NHSL1: variants seen among roughly 807,000 people sequenced by gnomAD.
The protein encoded by NHSL1 is NHS-like protein 1.
NHSL1 carries 48 observed loss-of-function variants against 95.0 expected under a neutral mutation model. That is an observed-to-expected ratio of 0.51 (90% CI 0.40 to 0.64). NHSL1 has a LOEUF of 0.64. NHSL1 is among the 30% of genes least tolerant of loss of function. NHSL1 has a pLI of 0.00. For synonymous variants in NHSL1, 783 were observed against 833.9 expected (o/e 0.94, Z 1.05); for missense variants, 1,971 against 2,077.7 (o/e 0.95, Z 1.00).
intron 1 of NHSL1, among the ~76,000 whole-genome samples, chr6:138,608,668 C>T (rs1314719085): frequency 2.6e-5 from 4 of 152,328 alleles, no homozygotes; most frequent in Admixed American, 6.5e-5. Flanking sequence ...TCAATGACTA[C>T]TAACTACGAA....
intron 1 of NHSL1, among the ~76,000 whole-genome samples, chr6:138,613,408 G>C (rs959104214): frequency 6.6e-6 from 1 of 152,190 alleles, no homozygotes; most frequent in Non-Finnish European, 1.5e-5. Flanking sequence ...GCCTGGGTCC[G>C]AGAGTGTGAG....
intron 1 of NHSL1, among the ~76,000 whole-genome samples, chr6:138,684,421 G>A (rs1468868550): frequency 2.0e-5 from 3 of 151,844 alleles, no homozygotes; most frequent in Non-Finnish European, 4.4e-5. Flanking sequence ...GCCAAGGCGG[G>A]CGGATCACAA....
chr6:138,494,984 T>C (rs1780266801), intron 2 of NHSL1, among the ~76,000 whole-genome samples: 1 of 152,218 alleles, frequency 6.6e-6, no homozygotes, highest in South Asian at 2.1e-4. Context: ...GGCTCATGCC[T>C]GTAATCCTAG....
upstream of NHSL1, among the ~76,000 whole-genome samples, chr6:138,547,033 C>T (rs923147932): frequency 6.6e-6 from 1 of 152,216 alleles, no homozygotes; most frequent in African/African-American, 2.4e-5. Context: ...GGACCCGTTG[C>T]TGTTTGCAGG....
At chr6:138,514,961 C>T (rs1354281238) in intron 1 of NHSL1, among the ~76,000 whole-genome samples, 1 of 151,788 alleles carries the variant, frequency 6.6e-6, no homozygotes, top group Non-Finnish European at 1.5e-5. Flanking sequence ...GTACTGAATT[C>T]ACCCTTCTTC....
At chr6:138,643,892 G>A (rs375468270) in intron 1 of NHSL1, among the ~76,000 whole-genome samples, 1 of 151,992 alleles carries the variant, frequency 6.6e-6, no homozygotes, top group South Asian at 2.1e-4. Flanking sequence ...TAGCTACCCA[G>A]GAGGCTGAGG....
intron 1 of NHSL1, among the ~76,000 whole-genome samples, chr6:138,523,993 T>A (rs745633572): frequency 1.3e-5 from 2 of 152,234 alleles, no homozygotes; most frequent in Non-Finnish European, 2.9e-5. Flanking sequence ...ACCTGAGATG[T>A]GTGAGCTGTG....
At position 138,423,428 on chromosome 6, in the gene NHSL1, A is replaced by C. The variant is rs1775036719; in HGVS notation, c.*653T>G. 6.6e-6 allele frequency: 1 copy of C among 152,230 alleles called. No individual in the cohort carries two copies. Among genetic ancestry groups the C allele is most frequent in the South Asian group, 2.1e-4 (1 of 4,836 alleles). 9.4% of individuals were successfully genotyped at this position (152,230 alleles called of 1,614,324 possible). On this transcript the variant is annotated 3_prime_UTR_variant, in exon 8 of 8. Coordinates refer to ENST00000343505, the MANE Select transcript of NHSL1 (RefSeq NM_001144060.2). ...CCACTTCTACGTTTGTCATTTTTAC[A>C]AAAAAGAAGCAAAGTCTACCTCCCC...
chr6:138,667,381 C>T (rs1169094643), intron 1 of NHSL1, among the ~76,000 whole-genome samples: 1 of 152,192 alleles, frequency 6.6e-6, no homozygotes, highest in Non-Finnish European at 1.5e-5. Flanking sequence ...TTCTACTCTA[C>T]ACCAAAACCT....
intron 1 of NHSL1, among the ~76,000 whole-genome samples, chr6:138,538,311 C>T (rs1782442129): frequency 6.6e-6 from 1 of 152,150 alleles, no homozygotes; most frequent in Non-Finnish European, 1.5e-5. Flanking sequence ...TCATATACTT[C>T]ATTTTCTTTT....
At chr6:138,505,652 C>T (rs1241722294) in intron 1 of NHSL1, among the ~76,000 whole-genome samples, 1 of 87,692 alleles carries the variant, frequency 1.1e-5, no homozygotes, top group African/African-American at 4.3e-5. Context: ...GACTCCATTT[C>T]AAAAAAAAAA....
intron 1 of NHSL1, among the ~76,000 whole-genome samples, chr6:138,505,320 C>T (rs964304276): frequency 3.9e-5 from 6 of 152,070 alleles, no homozygotes; most frequent in South Asian, 2.1e-4. Context: ...ATCATATGTA[C>T]GCATTTCGAA....
chr6:138,480,131 C>A (rs4896365), intron 2 of NHSL1, among the ~76,000 whole-genome samples: 8,399 of 152,280 alleles, frequency 0.055, 645 homozygotes, highest in East Asian at 0.29. Flanking sequence ...CTGACGGAAG[C>A]AGCAGTCATT....
chr6:138,574,484 C>T (rs1402431944), upstream of NHSL1, among the ~76,000 whole-genome samples: 1 of 151,990 alleles, frequency 6.6e-6, no homozygotes, highest in Non-Finnish European at 1.5e-5. Context: ...AAACAATGAA[C>T]ACAATTCTCT....
At chr6:138,625,903 G>A (rs1182221037) in intron 1 of NHSL1, among the ~76,000 whole-genome samples, 2 of 152,152 alleles carry the variant, frequency 1.3e-5, no homozygotes, top group Non-Finnish European at 2.9e-5. Context: ...TAGGACTCTC[G>A]AAGTGCTGGG....
At chr6:138,508,715 T>G (rs1781081760) in intron 1 of NHSL1, among the ~76,000 whole-genome samples, 1 of 152,226 alleles carries the variant, frequency 6.6e-6, no homozygotes, top group Non-Finnish European at 1.5e-5. Flanking sequence ...CATACCTCTA[T>G]TCATTTTTCA....
At chr6:138,641,577 C>A (rs966113968) in intron 1 of NHSL1, among the ~76,000 whole-genome samples, 1 of 143,848 alleles carries the variant, frequency 7.0e-6, no homozygotes, top group African/African-American at 2.6e-5. Flanking sequence ...GAGCTGAGAT[C>A]GTGCCACCGC....
At chr6:138,671,227 C>A (rs554871705) in intron 1 of NHSL1, among the ~76,000 whole-genome samples, 1 of 152,068 alleles carries the variant, frequency 6.6e-6, no homozygotes, top group East Asian at 1.9e-4. Flanking sequence ...GAGGCCGAGG[C>A]GGGCAGATCA....
At chr6:138,522,750 G>A (rs1304175105) in intron 1 of NHSL1, among the ~76,000 whole-genome samples, 7 of 152,146 alleles carry the variant, frequency 4.6e-5, no homozygotes, top group Non-Finnish European at 1.5e-5. Flanking sequence ...GGCTGAGGCT[G>A]CAGTGAGCCG....
Sources: gnomAD v4.1 joint callset for allele counts (sites outside exome capture counted in the v4.1 genomes callset) on GRCh38, gnomAD v4.1.1 for gene constraint, MANE v1.5 for transcripts, NCBI Gene and HGNC (gene_info 2026-07-23, HGNC 2026-07-21) for gene names.